The following RBFOX3 variants were observed in gnomAD, a reference collection of about 807,000 sequenced individuals.
The protein encoded by RBFOX3 is RNA binding protein fox-1 homolog 3.
RBFOX3 carries 17 observed loss-of-function variants against 48.7 expected under a neutral mutation model. That is an observed-to-expected ratio of 0.35 (90% CI 0.24 to 0.52). RBFOX3 has a LOEUF of 0.52. Ranked by LOEUF, RBFOX3 falls within the 20% of genes least tolerant of loss-of-function variation. RBFOX3 has a pLI of 0.94. For missense variants in RBFOX3, 382 were observed against 497.5 expected (o/e 0.77, Z 2.21); for synonymous variants, 212 against 209.5 (o/e 1.01, Z -0.10).
At chr17:79,350,905 C>A (rs962704117) in intron 2 of RBFOX3, among the ~76,000 whole-genome samples, 9 of 152,210 alleles carry the variant, frequency 5.9e-5, no homozygotes, top group Non-Finnish European at 1.2e-4. Context: ...CTTTCTCTAA[C>A]TCCCCTTCCC....
chr17:79,651,765 C>G, the RBFOX3 span, among the ~76,000 whole-genome samples: 42 of 142,138 alleles, frequency 3.0e-4, no homozygotes, highest in African/African-American at 1.1e-3. Flanking sequence ...CTCTGTCTCC[C>G]CCTCCCTCTC....
chr17:79,112,771 G>A (rs1447915404), intron 5 of RBFOX3, among the ~76,000 whole-genome samples: 2 of 152,038 alleles, frequency 1.3e-5, no homozygotes, highest in Non-Finnish European at 2.9e-5. Context: ...GGCAGCCCAT[G>A]CTCACCAGCA....
At chr17:79,617,603 G>A in the RBFOX3 span, among the ~76,000 whole-genome samples, 1 of 152,112 alleles carries the variant, frequency 6.6e-6, no homozygotes, top group African/African-American at 2.4e-5. Flanking sequence ...CTTCTCTCCC[G>A]AGGTTGCACG....
chr17:79,427,757 A>G (rs1555726332), intron 2 of RBFOX3, among the ~76,000 whole-genome samples: 3 of 152,258 alleles, frequency 2.0e-5, no homozygotes. Context: ...CCATCTGACA[A>G]ACCCCACCTG....
At chr17:79,422,441 G>T (rs2148761646) in intron 2 of RBFOX3, among the ~76,000 whole-genome samples, 1 of 152,012 alleles carries the variant, frequency 6.6e-6, no homozygotes, top group African/African-American at 2.4e-5. Flanking sequence ...GGAAGCCCAG[G>T]GGGTCACCTG....
At chr17:79,185,964 A>T (rs1167647492) in intron 4 of RBFOX3, among the ~76,000 whole-genome samples, 1 of 152,198 alleles carries the variant, frequency 6.6e-6, no homozygotes, top group Non-Finnish European at 1.5e-5. Context: ...GAGAGCTTTG[A>T]CAGCCCAGGA....
At position 79,411,068 on chromosome 17, in the gene RBFOX3, T is replaced by G. The variant is rs373121886; in HGVS notation, c.-175+71386A>C. Among the ~76,000 whole-genome samples the G allele has an allele frequency of 7.9e-5, 12 of 152,196 alleles. No homozygotes were observed. The East Asian group carries it at 9.6e-4, about 12-fold the overall frequency. Reference sequence around the variant, plus strand: ...GCCATTTTGTGCCTCAGTTTCCTCCTCTGTAAAATAAAAACAGCAACAGGA... The same window carrying G: ...GCCATTTTGTGCCTCAGTTTCCTCCGCTGTAAAATAAAAACAGCAACAGGA... On this transcript the variant is annotated intron_variant, in intron 2 of 14. Coordinates refer to ENST00000693108, the MANE Select transcript of RBFOX3 (RefSeq NM_001350451.2).
chr17:79,389,740 A>G (rs1242822251), intron 2 of RBFOX3, among the ~76,000 whole-genome samples: 1 of 152,128 alleles, frequency 6.6e-6, no homozygotes, highest in Admixed American at 6.5e-5. Context: ...CAGGCTGGGG[A>G]CCGTACTTGG....
chr17:79,136,173 G>C (rs1020173670), intron 4 of RBFOX3: 3 of 152,160 alleles, frequency 2.0e-5, no homozygotes, highest in African/African-American at 7.3e-5. Flanking sequence ...TGTTGTGTCC[G>C]TCACGCTCTC....
intron 2 of RBFOX3, among the ~76,000 whole-genome samples, chr17:79,452,862 T>A (rs769917595): frequency 6.6e-6 from 1 of 152,178 alleles, no homozygotes; most frequent in Non-Finnish European, 1.5e-5. Flanking sequence ...CTTGGCAGGC[T>A]CAGGGCCTTT....
chr17:79,607,669 A>C (rs1432244865), intron 1 of RBFOX3, among the ~76,000 whole-genome samples: 3 of 152,350 alleles, frequency 2.0e-5, no homozygotes, highest in African/African-American at 7.2e-5. Context: ...CCCTGCCCTC[A>C]GCAGCAAGGC....
At chr17:79,649,790 T>C in the RBFOX3 span, among the ~76,000 whole-genome samples, 1 of 152,188 alleles carries the variant, frequency 6.6e-6, no homozygotes, top group Admixed American at 6.5e-5. Flanking sequence ...GGAAGCATGA[T>C]GCTGGCATCT....
chr17:79,267,328 C>T (rs762963739), intron 3 of RBFOX3, among the ~76,000 whole-genome samples: 71 of 152,146 alleles, frequency 4.7e-4, no homozygotes, highest in Admixed American at 9.2e-4. Context: ...GATGGATGAT[C>T]TCCAAGTTCT....
intron 3 of RBFOX3, among the ~76,000 whole-genome samples, chr17:79,258,224 A>G (rs1289463151): frequency 1.3e-5 from 2 of 152,214 alleles, no homozygotes; most frequent in African/African-American, 4.8e-5. Context: ...TCCAGCTCTC[A>G]GGGCTGACCC....
chr17:79,542,469 T>C (rs532551747), intron 1 of RBFOX3, among the ~76,000 whole-genome samples: 15 of 152,214 alleles, frequency 9.9e-5, no homozygotes, highest in East Asian at 1.9e-4. Flanking sequence ...GTCTGTCTGA[T>C]AGAAATAGCA....
intron 1 of RBFOX3, among the ~76,000 whole-genome samples, chr17:79,543,670 G>A (rs531920341): frequency 1.3e-5 from 2 of 152,278 alleles, no homozygotes; most frequent in South Asian, 2.1e-4. Flanking sequence ...TGAAACACGC[G>A]GCGAAGATGA....
At position 79,423,300 on chromosome 17, in the gene RBFOX3, C is replaced by T. The variant is rs1038958596; in HGVS notation, c.-175+59154G>A. On this transcript the variant is annotated intron_variant, in intron 2 of 14. Coordinates refer to ENST00000693108, the MANE Select transcript of RBFOX3 (RefSeq NM_001350451.2). This position sits in a 1 kb window ranked among gnomAD's most constrained non-coding sequence, Gnocchi z 4.9. ...GATTCCTTGACCGTCCTCGCCACGC[C>T]CCCATCGACCAGGATGCCAGGAGCC... 1.3e-5 allele frequency among the ~76,000 whole-genome samples: 2 copies of T among 152,202 alleles called. No homozygotes were observed. The highest frequency in any genetic ancestry group is 4.1e-4 in the South Asian group (2 of 4,830).
chr17:79,437,925 C>A (rs2069886107), intron 2 of RBFOX3, among the ~76,000 whole-genome samples: 1 of 147,874 alleles, frequency 6.8e-6, no homozygotes, highest in Admixed American at 6.7e-5. Flanking sequence ...TGTACATGCA[C>A]ACGCATTCAC....
At chr17:79,150,285 G>A (rs7503155) in intron 4 of RBFOX3, among the ~76,000 whole-genome samples, 97,708 of 151,764 alleles carry the variant, frequency 0.64, 31,824 homozygotes, top group Non-Finnish European at 0.69. Context: ...CTGGGGCCCA[G>A]GCCACTCTGC....
Sources: allele counts gnomAD v4.1 joint callset (sites outside exome capture counted in the v4.1 genomes callset), GRCh38; gene constraint gnomAD v4.1.1; non-coding constraint Gnocchi (gnomAD v3.1); transcripts MANE v1.5; gene names NCBI Gene and HGNC (gene_info 2026-07-23, HGNC 2026-07-21).